Variants in PCNA observed in about 807,000 individuals in gnomAD.
The protein encoded by PCNA is DNA sliding clamp PCNA.
Under a neutral mutation model 27.8 loss-of-function variants are expected in PCNA, and 4 were observed. That is an observed-to-expected ratio of 0.14 (90% confidence interval 0.07 to 0.33). The LOEUF is 0.33. Ranked by LOEUF, PCNA falls within the 10% of genes least tolerant of loss-of-function variation. PCNA has a pLI of 1.00. For missense variants in PCNA, 165 were observed against 327.4 expected, an observed-to-expected ratio of 0.50 and a Z score of 3.83; for synonymous variants, 121 against 119.4, an observed-to-expected ratio of 1.01 and a Z score of -0.09.
chr20:5,115,685 T>C, intron 4 of PCNA, 113 bp from the exon 5 acceptor site: 1 of 838,134 alleles, frequency 1.2e-6, no homozygotes. Context: ...TGGAGGGAGC[T>C]ATGAAAATTT....
upstream of PCNA, chr20:5,120,005 A>T (rs1012190868): frequency 1.5e-5 from 9 of 583,348 alleles, no homozygotes; most frequent in African/African-American, 1.3e-4. Flanking sequence ...CCGCGTTGCG[A>T]CGTCACCACG....
At chr20:5,117,366 T>A in intron 4 of PCNA, 104 bp downstream of exon 4, 2 of 759,464 alleles carry the variant, frequency 2.6e-6, no homozygotes, top group Non-Finnish European at 4.3e-6. Flanking sequence ...TTTCAGAAAT[T>A]ACTTGGGATC....
intron 3 of PCNA, 113 bp downstream of exon 3, chr20:5,118,497 C>T: frequency 1.3e-6 from 1 of 760,538 alleles, no homozygotes; most frequent in Non-Finnish European, 2.2e-6. Context: ...CACTACTGCA[C>T]TCCAGCCTGG....
At position 5,119,918 on chromosome 20, in the gene PCNA, G is replaced by T; in HGVS notation, c.-120C>A. The T allele has an allele frequency of 2.7e-6, 2 of 734,728 alleles. No individual in the cohort carries two copies. The highest frequency in any genetic ancestry group is 4.6e-6 in the Non-Finnish European group (2 of 437,874). The allele number at this position is 734,728 out of a possible 1,614,324, so 45.5% of individuals were successfully genotyped here. A position where few individuals can be genotyped will look rare whatever the true frequency, so the allele number is the denominator to read the frequency against. ...CGTCGCGACGACCGGCTGAGACCTA[G>T]AAAGACAACGACCACTCTGCTACGC... On this transcript the variant is annotated 5_prime_UTR_variant, in exon 1 of 6. Coordinates refer to ENST00000379143, the MANE Select transcript of PCNA (RefSeq NM_182649.2).
At position 5,115,067 on chromosome 20, in the gene PCNA, A is replaced by C; in HGVS notation, c.*216T>G. On this transcript the variant is annotated 3_prime_UTR_variant, in exon 6 of 6. Transcript: ENST00000379143. Reference sequence around the variant, plus strand: ...TCACAAGTATTTCTAAGAGACAAAAATACTTCTAGGTTAACTAGACCAGAT... The same window carrying C: ...TCACAAGTATTTCTAAGAGACAAAACTACTTCTAGGTTAACTAGACCAGAT... The C allele has an allele frequency of 4.7e-6, 2 of 423,954 alleles. No individual in the cohort carries two copies. Among genetic ancestry groups the C allele is most frequent in the Non-Finnish European group, 8.5e-6 (2 of 235,840 alleles). 26.3% of individuals were successfully genotyped at this position (423,954 alleles called of 1,614,324 possible).
At chr20:5,117,758 G>T in intron 3 of PCNA, 94 bp from the exon 4 acceptor site, 1 of 663,868 alleles carries the variant, frequency 1.5e-6, no homozygotes, top group South Asian at 2.3e-5. Context: ...AAACAACTCA[G>T]AATCAATATT....
Position 5,119,885 on chromosome 20 carries a change from C to A in PCNA, c.-87G>T. On this transcript the variant is annotated 5_prime_UTR_variant, in exon 1 of 6. Coordinates refer to ENST00000379143, the MANE Select transcript of PCNA (RefSeq NM_182649.2). Reference sequence around the variant, plus strand: ...TCGGCTTCAGGAGCCTCAGAGCGAGCGGGCGAACGTCGCGACGACCGGCTG... The same window carrying A: ...TCGGCTTCAGGAGCCTCAGAGCGAGAGGGCGAACGTCGCGACGACCGGCTG... 1 of 1,054,676 alleles carries A rather than the reference C, an allele frequency of 9.5e-7. No homozygotes were observed. Among genetic ancestry groups the A allele is most frequent in the South Asian group, 1.4e-5 (1 of 71,736 alleles). 65.3% of individuals were successfully genotyped at this position (1,054,676 alleles called of 1,614,324 possible).
At chr20:5,124,646 A>G (rs371252996), upstream of PCNA, among the ~76,000 whole-genome samples, 1 of 152,018 alleles carries the variant, frequency 6.6e-6, no homozygotes, top group Non-Finnish European at 1.5e-5. Flanking sequence ...AAAACAAAAA[A>G]CAAACAAAAA....
At chr20:5,118,471 A>T (rs1486911405) in intron 3 of PCNA, 139 bp downstream of exon 3, 1 of 628,726 alleles carries the variant, frequency 1.6e-6, no homozygotes, top group African/African-American at 1.8e-5. Flanking sequence ...ATCCCAGGTT[A>T]GAGAGAGCTA....
At position 5,115,556 on chromosome 20, in the gene PCNA, T is replaced by C. The variant is rs1172295623; in HGVS notation, c.599A>G (p.Asn200Ser). 1 of 1,613,752 alleles carries C rather than the reference T, an allele frequency of 6.2e-7. No individual in the cohort carries two copies. Among genetic ancestry groups the C allele is most frequent in the Non-Finnish European group, 8.5e-7 (1 of 1,179,808 alleles). ...TGCAAAAGTTAGTTGAACTGGTTCA[T>C]TCATCTCTATGGTAACCTACAAAAC... ...KEEEAVTIEM[N>S]EPVQLTFALR... Residue 200 changes from asparagine to serine, a missense_variant, in exon 5 of 6, where the codon AAT (asparagine) becomes AGT (serine). Coordinates refer to ENST00000379143, the MANE Select transcript of PCNA (RefSeq NM_182649.2).
Position 5,115,704 on chromosome 20 carries a change from G to C in PCNA, c.583-132C>G. The C allele has an allele frequency of 4.7e-6, 3 of 640,308 alleles. No homozygotes were observed. In the East Asian group the frequency reaches 8.7e-5, roughly 18 times the overall value. 39.7% of individuals were successfully genotyped at this position (640,308 alleles called of 1,614,324 possible). The stretch of plus-strand genomic sequence containing the variant: ...GGGAGCTATGAAAATTTTGAAGACT[G>C]ATACATAAAGCAAAAGACTCGATTA... On this transcript the variant is annotated intron_variant, in intron 4 of 5. Coordinates refer to ENST00000379143, the MANE Select transcript of PCNA (RefSeq NM_182649.2).
At chr20:5,119,486 C>A (rs547909328) in intron 1 of PCNA, 92 bp downstream of exon 1, 1 of 1,040,344 alleles carries the variant, frequency 9.6e-7, no homozygotes, top group Non-Finnish European at 1.4e-6. Context: ...ATGGCCCACG[C>A]CAGCCAATGA....
At chr20:5,117,849 T>C (rs1600447574) in intron 3 of PCNA, among the ~76,000 whole-genome samples, 185 bp from the exon 4 acceptor site, 1 of 152,300 alleles carries the variant, frequency 6.6e-6, no homozygotes, top group East Asian at 1.9e-4. Context: ...AAATGCACCA[T>C]CCAGGGAACA....
Position 5,115,263 on chromosome 20 carries a change from T to C in PCNA, c.*20A>G. The C allele has an allele frequency of 6.3e-7, 1 of 1,596,474 alleles. No individual in the cohort carries two copies. On this transcript the variant is annotated 3_prime_UTR_variant, in exon 6 of 6. Coordinates refer to ENST00000379143, the MANE Select transcript of PCNA (RefSeq NM_182649.2). Reference sequence around the variant, plus strand: ...AGTTCTCAAAGAGCTTAGTTTTATTTTCTTGAATTTTAAGAATGCCTAAGA... The same window carrying C: ...AGTTCTCAAAGAGCTTAGTTTTATTCTCTTGAATTTTAAGAATGCCTAAGA...
chr20:5,124,393 T>C (rs950163048), upstream of PCNA, among the ~76,000 whole-genome samples: 5 of 152,144 alleles, frequency 3.3e-5, no homozygotes, highest in Non-Finnish European at 7.4e-5. Flanking sequence ...CCCAGCACTT[T>C]GGGAGGCCCA....
chr20:5,124,998 T>G (rs114952730), intron 1 of PCNA, among the ~76,000 whole-genome samples: 2,587 of 152,302 alleles, frequency 0.017, 76 homozygotes, highest in African/African-American at 0.059. Flanking sequence ...CATACCTACG[T>G]GCCCCTGAAG....
rs2090465675 is a variant in PCNA, at chr20:5,115,050, A to AT, written c.*232dup. 2.6e-6 allele frequency: 1 copy of AT among 391,116 alleles called. No individual in the cohort carries two copies. Among genetic ancestry groups the AT allele is most frequent in the Non-Finnish European group, 4.6e-6 (1 of 215,312 alleles). The allele number at this position is 391,116 out of a possible 1,614,324, so 24.2% of individuals were successfully genotyped here. A position where few individuals can be genotyped will look rare whatever the true frequency, so the allele number is the denominator to read the frequency against. The stretch of plus-strand genomic sequence containing the variant: ...CTTTTGTATTATAAAAATCACAAGT[A>AT]TTTCTAAGAGACAAAAATACTTCTA... On this transcript the variant is annotated 3_prime_UTR_variant, in exon 6 of 6. Coordinates refer to ENST00000379143, the MANE Select transcript of PCNA (RefSeq NM_182649.2).
chr20:5,122,102 C>T (rs966805887), upstream of PCNA, among the ~76,000 whole-genome samples: 1 of 152,036 alleles, frequency 6.6e-6, no homozygotes, highest in Non-Finnish European at 1.5e-5. Context: ...ATGCCTCAGC[C>T]TCCTGAATAG....
chr20:5,116,429 TA>T (rs201902663), intron 4 of PCNA, among the ~76,000 whole-genome samples: 1 of 151,628 alleles, frequency 6.6e-6, no homozygotes, highest in Non-Finnish European at 1.5e-5. Flanking sequence ...TTTATTAATT[TA>T]AAAAAAAACC....
Sources: gnomAD v4.1 joint callset for allele counts (sites outside exome capture counted in the v4.1 genomes callset) on GRCh38, gnomAD v4.1.1 for gene constraint, MANE v1.5 for transcripts, NCBI Gene and HGNC (gene_info 2026-07-23, HGNC 2026-07-21) for gene names.